The following PDE11A variants were observed in gnomAD, a reference collection of about 807,000 sequenced individuals.
PDE11A encodes phosphodiesterase 11A.
Under a neutral mutation model 100.5 loss-of-function variants are expected in PDE11A, and 100 were observed. The observed-to-expected ratio is 1.00, with a 90% confidence interval of 0.85 to 1.18. The LOEUF (loss-of-function observed/expected upper bound fraction) is 1.18. Among genes scored for constraint, PDE11A ranks in the 50% most tolerant of loss-of-function variants. The pLI is 0.00. For synonymous variants in PDE11A, 381 were observed against 420.8 expected, an observed-to-expected ratio of 0.91 and a Z score of 1.16; for missense variants, 1,141 against 1,152.6, an observed-to-expected ratio of 0.99 and a Z score of 0.15.
At chr2:177,972,241 C>A (rs1273801227) in intron 2 of PDE11A, among the ~76,000 whole-genome samples, 1 of 152,120 alleles carries the variant, frequency 6.6e-6, no homozygotes, top group Admixed American at 6.6e-5. Flanking sequence ...GAAGGGCATG[C>A]AGGAAAGAGA....
intron 1 of PDE11A, among the ~76,000 whole-genome samples, chr2:178,030,423 T>A (rs993641954): frequency 1.3e-5 from 2 of 152,136 alleles, no homozygotes; most frequent in African/African-American, 4.8e-5. Context: ...ACACACATCC[T>A]CAGATCCAGA....
chr2:177,806,922 T>C (rs1231769933), intron 9 of PDE11A, among the ~76,000 whole-genome samples: 1 of 152,048 alleles, frequency 6.6e-6, no homozygotes, highest in African/African-American at 2.4e-5. Flanking sequence ...GCCAGAGAAC[T>C]GTGGGCCAAT....
intron 15 of PDE11A, among the ~76,000 whole-genome samples, chr2:177,683,955 A>G (rs1221752128): frequency 6.6e-6 from 1 of 152,150 alleles, no homozygotes; most frequent in African/African-American, 2.4e-5. Context: ...TGCACTAAAC[A>G]TTTGGCCCTG....
chr2:178,106,050 T>C (rs1299355922), intron 1 of PDE11A, among the ~76,000 whole-genome samples: 1 of 152,200 alleles, frequency 6.6e-6, no homozygotes, highest in Non-Finnish European at 1.5e-5. Flanking sequence ...CACATATTGA[T>C]CTATCAATAG....
chr2:177,972,639 A>G (rs776801175), intron 2 of PDE11A, among the ~76,000 whole-genome samples: 1 of 152,138 alleles, frequency 6.6e-6, no homozygotes, highest in Non-Finnish European at 1.5e-5. Flanking sequence ...AAAAGCTGAA[A>G]GAAAAAAAAG....
chr2:178,031,983 A>T (rs2086554112), intron 1 of PDE11A, among the ~76,000 whole-genome samples: 1 of 152,196 alleles, frequency 6.6e-6, no homozygotes, highest in Non-Finnish European at 1.5e-5. Context: ...GGCATAGATT[A>T]ATAGACCAAC....
chr2:177,727,089 A>C (rs2081610633), intron 12 of PDE11A, among the ~76,000 whole-genome samples: 1 of 152,216 alleles, frequency 6.6e-6, no homozygotes, highest in South Asian at 2.1e-4. Context: ...GCTGCACTAG[A>C]TATCTCCGTG....
chr2:177,709,219 T>C (rs2081323528), intron 13 of PDE11A, among the ~76,000 whole-genome samples: 1 of 152,138 alleles, frequency 6.6e-6, no homozygotes, highest in South Asian at 2.1e-4. Flanking sequence ...CCACAGGAGA[T>C]GTGGATGGCT....
chr2:177,713,651 G>T (rs1342004863), intron 12 of PDE11A, among the ~76,000 whole-genome samples: 1 of 152,030 alleles, frequency 6.6e-6, no homozygotes, highest in Non-Finnish European at 1.5e-5. Flanking sequence ...CTTGAACCGG[G>T]AGACAGAGGT....
chr2:177,721,850 G>A (rs528578615), intron 12 of PDE11A, among the ~76,000 whole-genome samples: 1 of 152,220 alleles, frequency 6.6e-6, no homozygotes, highest in Admixed American at 6.5e-5. Context: ...CTTCTTCAAA[G>A]CTCAAATTTT....
At chr2:177,680,252 T>C (rs78400059) in intron 16 of PDE11A, among the ~76,000 whole-genome samples, 1 of 151,948 alleles carries the variant, frequency 6.6e-6, no homozygotes, top group Non-Finnish European at 1.5e-5. Context: ...GGATGGGGTA[T>C]GAGAGAAAGA....
At position 178,108,141 on chromosome 2, in the gene PDE11A, C is replaced by T. The variant is rs558536431; in HGVS notation, c.-14+113G>A. The T allele has an allele frequency of 2.0e-5, 3 of 152,370 alleles. No homozygotes were observed. The South Asian group carries it at 6.2e-4, about 32-fold the overall frequency. 9.4% of individuals were successfully genotyped at this position (152,370 alleles called of 1,614,324 possible). A position where few individuals can be genotyped will look rare whatever the true frequency, so the allele number is the denominator to read the frequency against. On this transcript the variant is annotated intron_variant, in intron 1 of 20. Coordinates refer to the PDE11A transcript ENST00000358450. ...TTAAAGAGGAATAGGTGGGTACATA[C>T]CATTGCTATGTCTTATTTTTCATAA...
At chr2:177,687,036 G>A (rs1158298698) in intron 15 of PDE11A, 1 of 151,998 alleles carries the variant, frequency 6.6e-6, no homozygotes, top group African/African-American at 2.4e-5. Context: ...TTTTTTTAAA[G>A]TTCCTGAAAA....
intron 6 of PDE11A, among the ~76,000 whole-genome samples, chr2:177,834,031 G>A (rs1385935466): frequency 1.3e-5 from 2 of 152,190 alleles, no homozygotes; most frequent in Non-Finnish European, 2.9e-5. Flanking sequence ...CTGGTGTGTA[G>A]TGGCCCTGGT....
At chr2:177,835,525 C>A (rs1322993602) in intron 6 of PDE11A, among the ~76,000 whole-genome samples, 1 of 152,192 alleles carries the variant, frequency 6.6e-6, no homozygotes, top group African/African-American at 2.4e-5. Flanking sequence ...TGCTGGCAGC[C>A]CTCGCTTGCT....
intron 9 of PDE11A, among the ~76,000 whole-genome samples, chr2:177,806,744 T>C (rs1167629376): frequency 6.6e-6 from 1 of 152,026 alleles, no homozygotes; most frequent in Non-Finnish European, 1.5e-5. Flanking sequence ...AAATAACAAT[T>C]ATAAAGAATT....
chr2:177,944,803 GCTCTCC>G (rs56670331), intron 2 of PDE11A, among the ~76,000 whole-genome samples: 6,009 of 101,808 alleles, frequency 0.059, 463 homozygotes, highest in Middle Eastern at 0.086. Context: ...AGATGCGAGC[GCTCTCC>G]CTCTCCCTCT....
chr2:177,931,014 C>T (rs1304195112), intron 2 of PDE11A, among the ~76,000 whole-genome samples: 2 of 152,180 alleles, frequency 1.3e-5, no homozygotes, highest in Non-Finnish European at 2.9e-5. Context: ...ATCCATAGAT[C>T]CCACACTTTT....
chr2:178,017,669 C>T (rs1449133798), intron 1 of PDE11A, among the ~76,000 whole-genome samples: 5 of 152,058 alleles, frequency 3.3e-5, no homozygotes, highest in African/African-American at 1.2e-4. Flanking sequence ...TTTAGAAAAA[C>T]AATTCGGGGG....
Sources: gnomAD v4.1 joint callset for allele counts (sites outside exome capture counted in the v4.1 genomes callset) on GRCh38, gnomAD v4.1.1 for gene constraint, MANE v1.5 for transcripts, NCBI Gene and HGNC (gene_info 2026-07-23, HGNC 2026-07-21) for gene names.